The following FRAS1 variants were observed in gnomAD, a reference collection of about 807,000 sequenced individuals.
The protein encoded by FRAS1 is extracellular matrix organizing protein FRAS1.
A neutral mutation model predicts 435.2 loss-of-function variants in FRAS1; 290 were observed. The ratio of observed to expected loss-of-function variants is 0.67; its 90% confidence interval spans 0.61 to 0.73. The LOEUF is 0.73. FRAS1 is among the 30% of genes least tolerant of loss of function. The probability of loss-of-function intolerance (pLI) is 0.00; values close to 1 mark genes in which losing one functional copy is unlikely to be tolerated. For synonymous variants in FRAS1, 1,800 were observed against 1,851.0 expected (o/e 0.97, Z 0.71); for missense variants, 4,860 against 5,001.5 (o/e 0.97, Z 0.85).
intron 73 of FRAS1, among the ~76,000 whole-genome samples, chr4:78,539,806 A>G (rs544377345): frequency 6.6e-5 from 10 of 152,354 alleles, no homozygotes; most frequent in African/African-American, 2.2e-4. Flanking sequence ...ATAATACAAT[A>G]CAGCAATTTA....
chr4:78,193,901 G>A (rs12642416), intron 2 of FRAS1, among the ~76,000 whole-genome samples: 101,980 of 151,362 alleles, frequency 0.67, 34,543 homozygotes, highest in African/African-American at 0.73. Flanking sequence ...TTTTTGCAGT[G>A]GCTGGTACTG....
At chr4:78,154,015 G>A (rs1383923819) in intron 2 of FRAS1, among the ~76,000 whole-genome samples, 1 of 151,294 alleles carries the variant, frequency 6.6e-6, no homozygotes, top group Non-Finnish European at 1.5e-5. Context: ...GAAAATTTTT[G>A]TTCAGCAGAA....
intron 4 of FRAS1, among the ~76,000 whole-genome samples, chr4:78,248,879 T>A (rs902664859): frequency 6.6e-5 from 10 of 151,474 alleles, no homozygotes; most frequent in African/African-American, 2.4e-4. Context: ...AGTGTCAAGA[T>A]GTCATGTTTT....
At chr4:78,510,426 A>G (rs1319617177) in intron 63 of FRAS1, among the ~76,000 whole-genome samples, 1 of 152,210 alleles carries the variant, frequency 6.6e-6, no homozygotes, top group East Asian at 1.9e-4. Flanking sequence ...TAAGTAAAGC[A>G]TTGGCAGCTA....
At chr4:78,285,954 T>C (rs973932474) in intron 13 of FRAS1, among the ~76,000 whole-genome samples, 2 of 152,238 alleles carry the variant, frequency 1.3e-5, no homozygotes, top group Non-Finnish European at 2.9e-5. Context: ...TGAAAGTTAC[T>C]TATATCTCTT....
chr4:78,485,330 T>A (rs960053106), intron 58 of FRAS1, among the ~76,000 whole-genome samples: 1 of 152,202 alleles, frequency 6.6e-6, no homozygotes, highest in Non-Finnish European at 1.5e-5. Flanking sequence ...CAGTAACATA[T>A]AGAGTCCTCA....
At chr4:78,376,651 A>G (rs1265221055) in intron 26 of FRAS1, among the ~76,000 whole-genome samples, 1 of 152,104 alleles carries the variant, frequency 6.6e-6, no homozygotes, top group Non-Finnish European at 1.5e-5. Context: ...TGAGGTTCAC[A>G]TGTTTCTAGT....
At chr4:78,440,184 C>G (rs1184158217) in intron 40 of FRAS1, among the ~76,000 whole-genome samples, 2 of 151,328 alleles carry the variant, frequency 1.3e-5, no homozygotes, top group Non-Finnish European at 3.0e-5. Flanking sequence ...GCGCCCGCCA[C>G]CGCGCCCGGC....
chr4:78,466,858 T>C (rs2109847962), intron 50 of FRAS1, among the ~76,000 whole-genome samples: 1 of 152,338 alleles, frequency 6.6e-6, no homozygotes, highest in African/African-American at 2.4e-5. Flanking sequence ...AACCAGAGTT[T>C]CTCAGTCTTT....
chr4:78,070,182 A>G (rs200300517), intron 2 of FRAS1, among the ~76,000 whole-genome samples: 15 of 152,152 alleles, frequency 9.9e-5, no homozygotes, highest in African/African-American at 3.4e-4. Context: ...CAGGCATGTC[A>G]TCTTAAAAAC....
At position 78,063,122 on chromosome 4, in the gene FRAS1, G is replaced by GA. The variant is rs201736480; in HGVS notation, c.77-2854dup. 9.8e-3 allele frequency among the ~76,000 whole-genome samples: 1,476 copies of GA among 150,868 alleles called. 9 individuals carry two copies. The highest frequency in any genetic ancestry group is 0.038 in the Middle Eastern group (11 of 292). The stretch of plus-strand genomic sequence containing the variant: ...CTGCAATCATTCTTGTACTCCTGAA[G>GA]AAAAAAAAATAATGAGTCGAGAGAT... On this transcript the variant is annotated intron_variant, in intron 1 of 73. Transcript: ENST00000512123.
rs1034529423 is a variant in FRAS1 at position 78,195,715 on chromosome 4, G to T, written c.109-41795G>T. On this transcript the variant is annotated intron_variant, in intron 2 of 73. Transcript: ENST00000512123. ...GAAAGGGATTCCCCTGACCCCTTGCGCTTCCCCGGATGAGGCAATGCCTCA... is the reference window on the plus strand; with the variant it reads ...GAAAGGGATTCCCCTGACCCCTTGCTCTTCCCCGGATGAGGCAATGCCTCA... 5.9e-5 allele frequency among the ~76,000 whole-genome samples: 9 copies of T among 152,114 alleles called. 1 individual carries two copies. In the South Asian group the frequency reaches 8.3e-4, roughly 14 times the overall value.
rs1733472477 is a variant in FRAS1 at position 78,414,461 on chromosome 4, A to G, written c.4425+1376A>G. On this transcript the variant is annotated intron_variant, in intron 32 of 73. Transcript: ENST00000512123. ...GTCCAGTTAAAACTTAGGTTAGTTTACTGTTAAATGTGATTAGTCTACTCG... is the reference window on the plus strand; with the variant it reads ...GTCCAGTTAAAACTTAGGTTAGTTTGCTGTTAAATGTGATTAGTCTACTCG... Among the ~76,000 whole-genome samples the G allele has an allele frequency of 2.6e-5, 4 of 152,228 alleles. No homozygotes were observed. The South Asian group carries it at 6.2e-4, about 24-fold the overall frequency.
intron 2 of FRAS1, among the ~76,000 whole-genome samples, chr4:78,208,283 G>A (rs1723348642): frequency 6.6e-6 from 1 of 152,150 alleles, no homozygotes. Flanking sequence ...TGGAACAAAA[G>A]AATCTGAACT....
At chr4:78,359,959 GTC>G (rs1731012039) in intron 20 of FRAS1, among the ~76,000 whole-genome samples, 1 of 152,188 alleles carries the variant, frequency 6.6e-6, no homozygotes, top group African/African-American at 2.4e-5. Context: ...TAATTTCAGA[GTC>G]TCTCCAACTC....
chr4:78,391,051 G>A (rs1024858672), intron 29 of FRAS1, among the ~76,000 whole-genome samples: 2 of 152,202 alleles, frequency 1.3e-5, no homozygotes, highest in Non-Finnish European at 2.9e-5. Context: ...TTGGATGGAT[G>A]GGTAATGGAT....
intron 14 of FRAS1, among the ~76,000 whole-genome samples, chr4:78,292,259 G>T (rs1727934282): frequency 6.6e-6 from 1 of 152,116 alleles, no homozygotes; most frequent in African/African-American, 2.4e-5. Flanking sequence ...ACAGTATACT[G>T]TATTCTTTAT....
chr4:78,312,689 A>G (rs1376763408), intron 15 of FRAS1, among the ~76,000 whole-genome samples: 1 of 151,804 alleles, frequency 6.6e-6, no homozygotes, highest in Non-Finnish European at 1.5e-5. Flanking sequence ...AAAATTAGCC[A>G]GGTGTGGTGA....
At chr4:78,213,120 G>A (rs1430425391) in intron 2 of FRAS1, among the ~76,000 whole-genome samples, 2 of 152,200 alleles carry the variant, frequency 1.3e-5, no homozygotes, top group Non-Finnish European at 2.9e-5. Flanking sequence ...CCACAATCCT[G>A]GCAGCTGGGA....
Sources: allele counts gnomAD v4.1 joint callset (sites outside exome capture counted in the v4.1 genomes callset), GRCh38; gene constraint gnomAD v4.1.1; transcripts MANE v1.5; gene names NCBI Gene and HGNC (gene_info 2026-07-23, HGNC 2026-07-21).